The following NUP153 variants were observed in gnomAD, a reference collection of about 807,000 sequenced individuals.
NUP153 encodes the protein nuclear pore complex protein Nup153.
NUP153 carries 27 observed loss-of-function variants against 134.6 expected under a neutral mutation model. The ratio of observed to expected loss-of-function variants is 0.20; its 90% confidence interval spans 0.15 to 0.28. The LOEUF is 0.28. NUP153 is among the 10% of genes least tolerant of loss of function. The pLI, the probability that NUP153 is intolerant of heterozygous loss-of-function variation, is 1.00. For synonymous variants in NUP153, 640 were observed against 623.5 expected, an observed-to-expected ratio of 1.03 and a Z score of -0.40; for missense variants, 1,821 against 1,731.3, an observed-to-expected ratio of 1.05 and a Z score of -0.92.
At position 17,637,776 on chromosome 6, in the gene NUP153, A is replaced by G. The variant is rs77284943; in HGVS notation, c.1847-6T>C. 2.4e-4 allele frequency: 386 copies of G among 1,591,592 alleles called. 3 individuals carry two copies. In the East Asian group the frequency reaches 6.5e-3, roughly 27 times the overall value. ...TATCTTCGGCGATGCGAAACCTACAATGAACGAAGGAGAGAGTGCAACGTT... is the reference window on the plus strand; with the variant it reads ...TATCTTCGGCGATGCGAAACCTACAGTGAACGAAGGAGAGAGTGCAACGTT... On this transcript the variant is annotated splice_polypyrimidine_tract_variant and splice_region_variant and intron_variant, in intron 15 of 21. Coordinates refer to ENST00000262077, the MANE Select transcript of NUP153 (RefSeq NM_005124.4).
intron 14 of NUP153, among the ~76,000 whole-genome samples, chr6:17,640,650 G>A (rs75076621): frequency 6.6e-6 from 1 of 152,124 alleles, no homozygotes; most frequent in Non-Finnish European, 1.5e-5. Context: ...TGAGTGTCTT[G>A]TTGTCAGCAA....
Position 17,665,391 on chromosome 6 carries a change from A to G in NUP153, c.1069-6T>C. 6.3e-7 allele frequency: 1 copy of G among 1,588,534 alleles called. No homozygotes were observed. The highest frequency in any genetic ancestry group is 1.2e-5 in the South Asian group (1 of 86,250). ...GGAGGATATTGAGAATCCACCTTACAGGTAAAGAGAAATCAAAAACATTTA... is the reference window on the plus strand; with the variant it reads ...GGAGGATATTGAGAATCCACCTTACGGGTAAAGAGAAATCAAAAACATTTA... On this transcript the variant is annotated splice_region_variant and splice_polypyrimidine_tract_variant and intron_variant, in intron 8 of 21. Coordinates refer to ENST00000262077, the MANE Select transcript of NUP153 (RefSeq NM_005124.4).
intron 11 of NUP153, among the ~76,000 whole-genome samples, chr6:17,660,176 T>C (rs552835444): frequency 3.9e-4 from 59 of 152,312 alleles, no homozygotes; most frequent in African/African-American, 1.4e-3. Flanking sequence ...CCAATAGGCA[T>C]GAAGAAATCT....
chr6:17,676,072 T>C (rs567523727), intron 2 of NUP153, among the ~76,000 whole-genome samples: 1 of 152,342 alleles, frequency 6.6e-6, no homozygotes, highest in African/African-American at 2.4e-5. Flanking sequence ...TGATGGTGTA[T>C]TTTGTAATAC....
chr6:17,661,708 C>A lies in NUP153; in HGVS notation c.1340G>T (p.Gly447Val), dbSNP rs752002430. The A allele has an allele frequency of 1.2e-6, 2 of 1,613,916 alleles. No homozygotes were observed. The highest frequency in any genetic ancestry group is 1.7e-6 in the Non-Finnish European group (2 of 1,179,892). The change falls in exon 11 of 22, where the codon GGC becomes GTC. Residue 447 changes from glycine to valine, a missense_variant. Transcript: ENST00000262077. ...GCGTGTTCTTTCTCGTCTCATCTTGCCACCTCCACCACCTACTCCAGAAGA... is the reference window on the plus strand; with the variant it reads ...GCGTGTTCTTTCTCGTCTCATCTTGACACCTCCACCACCTACTCCAGAAGA... The part of the protein sequence containing the change: ...GLSSGVGGGG[G>V]KMRRERTRFV...
At chr6:17,655,278 G>A (rs9367956) in intron 11 of NUP153, among the ~76,000 whole-genome samples, 30,004 of 151,994 alleles carry the variant, frequency 0.2, 3,857 homozygotes, top group Non-Finnish European at 0.28. Context: ...TACATATAGA[G>A]TTCTATTAAC....
intron 15 of NUP153, 35 bp from the exon 16 acceptor site, chr6:17,637,805 G>A (rs191707726): frequency 1.9e-6 from 3 of 1,548,688 alleles, no homozygotes; most frequent in Admixed American, 2.0e-5. Context: ...CAACGTTAGA[G>A]AAGCTTTATA....
intron 2 of NUP153, among the ~76,000 whole-genome samples, chr6:17,687,374 G>A (rs1156816334): frequency 1.3e-5 from 2 of 152,084 alleles, no homozygotes; most frequent in Admixed American, 6.5e-5. Context: ...AAATAACACA[G>A]AGGCAGTCAG....
chr6:17,695,826 G>A lies in NUP153; in HGVS notation c.112-7208C>T, dbSNP rs531033632. On this transcript the variant is annotated intron_variant, in intron 1 of 21. Transcript: ENST00000262077. The stretch of plus-strand genomic sequence containing the variant: ...AGATCGAGACCATCCTGGCTAACAC[G>A]GTGAAACCCTGTCTCTACTAAAAAT... Among the ~76,000 whole-genome samples the A allele has an allele frequency of 5.3e-5, 8 of 152,166 alleles. No individual in the cohort carries two copies. In the East Asian group the frequency reaches 7.7e-4, roughly 15 times the overall value.
At chr6:17,701,223 C>CT (rs1770042614) in intron 1 of NUP153, among the ~76,000 whole-genome samples, 1 of 135,160 alleles carries the variant, frequency 7.4e-6, no homozygotes, top group Non-Finnish European at 1.6e-5. Context: ...GAAACTCTGT[C>CT]TAAAAAAAAA....
In NUP153 at chr6:17,624,788, C is replaced by T. The variant is rs1764841884; in HGVS notation, c.3947G>A (p.Ser1316Asn). The T allele has an allele frequency of 1.2e-6, 2 of 1,613,864 alleles. No homozygotes were observed. The highest frequency in any genetic ancestry group is 1.7e-6 in the Non-Finnish European group (2 of 1,179,926). ...FGTGPSAPSA[S>N]PAFGANQTPT... ...GGTCTGGTTAGCACCAAATGCTGGA[C>T]TGGCAGATGGTGCTGAGGGTCCAGT... Residue 1316 changes from serine to asparagine, a missense_variant, in exon 20 of 22, where the codon AGT becomes AAT. Transcript: ENST00000262077.
chr6:17,623,550 T>C (rs1402385683), intron 20 of NUP153, among the ~76,000 whole-genome samples: 1 of 152,150 alleles, frequency 6.6e-6, no homozygotes, highest in Non-Finnish European at 1.5e-5. Flanking sequence ...GTATATACTC[T>C]AGAAAAACAT....
At chr6:17,669,628 G>A in intron 5 of NUP153, 82 bp from the exon 6 acceptor site, 1 of 930,972 alleles carries the variant, frequency 1.1e-6, no homozygotes, top group Non-Finnish European at 1.8e-6. Flanking sequence ...TTACAAGATA[G>A]AATGGATGTC....
chr6:17,676,387 T>G (rs1768222542), intron 2 of NUP153, among the ~76,000 whole-genome samples: 1 of 152,228 alleles, frequency 6.6e-6, no homozygotes, highest in Non-Finnish European at 1.5e-5. Flanking sequence ...TCTAATGATG[T>G]ATCTTTATAC....
chr6:17,670,782 T>C (rs1325346729), intron 5 of NUP153, among the ~76,000 whole-genome samples: 2 of 152,224 alleles, frequency 1.3e-5, no homozygotes, highest in African/African-American at 4.8e-5. Context: ...ACTCTTTAGA[T>C]TGTTTACATG....
intron 5 of NUP153, among the ~76,000 whole-genome samples, chr6:17,674,417 T>C (rs553993736): frequency 2.0e-5 from 3 of 152,194 alleles, no homozygotes; most frequent in Admixed American, 6.5e-5. Flanking sequence ...AATGTTTATA[T>C]ACCCTAAATG....
intron 17 of NUP153, among the ~76,000 whole-genome samples, chr6:17,631,965 C>CA (rs1317210230): frequency 1.8e-4 from 26 of 147,806 alleles, no homozygotes; most frequent in African/African-American, 2.7e-4. Context: ...GACACCATCT[C>CA]AAAAAAAACA....
intron 2 of NUP153, among the ~76,000 whole-genome samples, chr6:17,678,174 G>A (rs1768340025): frequency 1.3e-5 from 2 of 151,770 alleles, no homozygotes; most frequent in African/African-American, 2.4e-5. Context: ...TGGCCAACAC[G>A]GCAAAATCCC....
chr6:17,616,504 AT>A (rs766330968), intron 21 of NUP153, 22 bp downstream of exon 21: 1 of 1,586,426 alleles, frequency 6.3e-7, no homozygotes, highest in Non-Finnish European at 8.6e-7. Flanking sequence ...TAACTTCTCC[AT>A]TTCAATAAAA....
Sources: gnomAD v4.1 joint callset for allele counts (sites outside exome capture counted in the v4.1 genomes callset) on GRCh38, gnomAD v4.1.1 for gene constraint, MANE v1.5 for transcripts, NCBI Gene and HGNC (gene_info 2026-07-23, HGNC 2026-07-21) for gene names.